Variants in SHANK2 observed in about 807,000 individuals in gnomAD.
SHANK2 encodes SH3 and multiple ankyrin repeat domains protein 2.
Under a neutral mutation model 133.7 loss-of-function variants are expected in SHANK2, and 43 were observed. The ratio of observed to expected loss-of-function variants is 0.32; its 90% CI spans 0.25 to 0.41. SHANK2 has a LOEUF of 0.41. Ranked by LOEUF, SHANK2 falls within the 10% of genes least tolerant of loss-of-function variation. The pLI is 1.00. For synonymous variants in SHANK2, 1,017 were observed against 952.8 expected (o/e 1.07, Z -1.24); for missense variants, 1,994 against 2,235.8 (o/e 0.89, Z 2.18).
intron 2 of SHANK2, among the ~76,000 whole-genome samples, chr11:71,154,610 G>C (rs1555108688): frequency 6.6e-6 from 1 of 152,230 alleles, no homozygotes; most frequent in African/African-American, 2.4e-5. Flanking sequence ...TGCAAAAGCA[G>C]ACCTTCTGAC....
intron 15 of SHANK2, among the ~76,000 whole-genome samples, chr11:70,672,231 T>C (rs1173794655): frequency 6.6e-6 from 1 of 152,000 alleles, no homozygotes; most frequent in Non-Finnish European, 1.5e-5. Context: ...GCCTGGCTAA[T>C]TTTTATATTT....
At chr11:71,130,820 G>A (rs1952286979) in intron 3 of SHANK2, among the ~76,000 whole-genome samples, 1 of 152,216 alleles carries the variant, frequency 6.6e-6, no homozygotes, top group South Asian at 2.1e-4. Flanking sequence ...AGGATCTGGA[G>A]CCAGAAACGC....
chr11:70,487,424 C>T lies in SHANK2; in HGVS notation c.2869G>A (p.Asp957Asn). 1 of 1,614,112 alleles carries T rather than the reference C, an allele frequency of 6.2e-7. No individual in the cohort carries two copies. The highest frequency in any genetic ancestry group is 8.5e-7 in the Non-Finnish European group (1 of 1,180,010). ...TCTTCAGAGTCCAAGGAGTAGCGGT[C>T]CAGCTCTCTCCTGAAGTACATCCCC... ...EKGMYFRREL[D>N]RYSLDSEDLY... Residue 957 changes from aspartate to asparagine, a missense_variant, in exon 25 of 26, where the codon GAC becomes AAC. Coordinates refer to ENST00000601538, the MANE Select transcript of SHANK2 (RefSeq NM_012309.5). The surrounding 1 kb of genome is among the most constrained non-coding windows in gnomAD (Gnocchi z 5.8).
chr11:70,761,880 G>A (rs751690), intron 14 of SHANK2, among the ~76,000 whole-genome samples: 18,216 of 152,278 alleles, frequency 0.12, 1,430 homozygotes, highest in Non-Finnish European at 0.17. Flanking sequence ...TCAGATTCCA[G>A]GGTGGAGTCT....
chr11:70,547,312 G>A (rs1271039042), intron 17 of SHANK2, among the ~76,000 whole-genome samples: 1 of 152,194 alleles, frequency 6.6e-6, no homozygotes, highest in Non-Finnish European at 1.5e-5. Context: ...CCAGGCTGGA[G>A]TGCAGTGGTA....
At chr11:70,926,841 GCAAAATCA>G (rs1386320757) in intron 10 of SHANK2, among the ~76,000 whole-genome samples, 1 of 152,190 alleles carries the variant, frequency 6.6e-6, no homozygotes, top group Non-Finnish European at 1.5e-5. Flanking sequence ...TAGTGAGTAG[GCAAAATCA>G]CAAATATGGA....
intron 11 of SHANK2, among the ~76,000 whole-genome samples, chr11:70,879,270 C>T (rs1414571243): frequency 6.6e-6 from 1 of 152,238 alleles, no homozygotes; most frequent in East Asian, 1.9e-4. Context: ...GCCTCCATAA[C>T]GTCTTTTCAC....
chr11:71,141,684 T>C (rs1329433050), intron 3 of SHANK2, among the ~76,000 whole-genome samples: 1 of 152,082 alleles, frequency 6.6e-6, no homozygotes, highest in Non-Finnish European at 1.5e-5. Flanking sequence ...AATGGGCTAA[T>C]ACAATGTCTC....
intron 8 of SHANK2, among the ~76,000 whole-genome samples, chr11:71,084,639 C>T (rs1174232527): frequency 6.6e-6 from 1 of 152,214 alleles, no homozygotes; most frequent in African/African-American, 2.4e-5. Flanking sequence ...GAGGGCAGAG[C>T]CAGGCACAGC....
In SHANK2 at chr11:70,850,560, G is replaced by A. The variant is rs148362125; in HGVS notation, c.1175-29878C>T. On this transcript the variant is annotated intron_variant, in intron 11 of 25. Coordinates refer to ENST00000601538, the MANE Select transcript of SHANK2 (RefSeq NM_012309.5). Reference sequence around the variant, plus strand: ...AGGATGGATCCTCAGCCTCCCCTCTGCCAAGAGCCACGTGTCCTCACCATG... The same window carrying A: ...AGGATGGATCCTCAGCCTCCCCTCTACCAAGAGCCACGTGTCCTCACCATG... 7.4e-3 allele frequency among the ~76,000 whole-genome samples: 1,126 copies of A among 152,246 alleles called. 10 individuals are homozygous for A. The highest frequency in any genetic ancestry group is 0.011 in the Non-Finnish European group (723 of 68,018).
chr11:71,193,483 TC>T (rs1953834409), intron 2 of SHANK2, among the ~76,000 whole-genome samples: 1 of 152,090 alleles, frequency 6.6e-6, no homozygotes, highest in Non-Finnish European at 1.5e-5. Context: ...CATGACCCCA[TC>T]CAGAGGAAGG....
intron 14 of SHANK2, among the ~76,000 whole-genome samples, chr11:70,761,195 C>A (rs1195596683): frequency 6.6e-6 from 1 of 152,068 alleles, no homozygotes; most frequent in Non-Finnish European, 1.5e-5. Flanking sequence ...GGTGATGGGG[C>A]CTTTGGGAGG....
chr11:70,746,218 T>C (rs1344440190), intron 14 of SHANK2, among the ~76,000 whole-genome samples: 6 of 152,218 alleles, frequency 3.9e-5, no homozygotes, highest in Non-Finnish European at 8.8e-5. Context: ...CCAGCCACAC[T>C]TGTAGCACAG....
chr11:70,482,476 A>G (rs368653704), intron 25 of SHANK2, among the ~76,000 whole-genome samples: 4 of 152,178 alleles, frequency 2.6e-5, no homozygotes, highest in East Asian at 3.9e-4. Flanking sequence ...CCACAAGGTG[A>G]GGAGTCAAAC....
intron 12 of SHANK2, among the ~76,000 whole-genome samples, chr11:70,816,657 C>T (rs1412021396): frequency 1.3e-5 from 2 of 152,284 alleles, no homozygotes; most frequent in Middle Eastern, 3.4e-3. Context: ...CGAGGATGAA[C>T]AAGGAGCAGA....
chr11:70,599,771 TAC>T (rs2136312312), intron 17 of SHANK2, among the ~76,000 whole-genome samples: 1 of 146,630 alleles, frequency 6.8e-6, no homozygotes, highest in South Asian at 2.2e-4. Context: ...CAGCCCGGGT[TAC>T]AGTGTGAGAT....
intron 11 of SHANK2, among the ~76,000 whole-genome samples, chr11:70,888,489 C>T (rs782200837): frequency 1.8e-4 from 28 of 152,216 alleles, no homozygotes; most frequent in Middle Eastern, 3.4e-3. Context: ...CACTCAAGAC[C>T]GGGTACCAGG....
At chr11:70,873,019 G>C (rs1949495405) in intron 11 of SHANK2, 2 of 471,284 alleles carry the variant, frequency 4.2e-6, no homozygotes, top group South Asian at 3.1e-5. Context: ...TGTGAGAAAG[G>C]AAGAGCGGAG....
At chr11:70,795,134 G>A (rs1947879664) in intron 14 of SHANK2, among the ~76,000 whole-genome samples, 1 of 152,120 alleles carries the variant, frequency 6.6e-6, no homozygotes, top group African/African-American at 2.4e-5. Context: ...CCAGGTCACA[G>A]AGATGCCTTC....
Sources: gnomAD v4.1 joint callset for allele counts (sites outside exome capture counted in the v4.1 genomes callset) on GRCh38, gnomAD v4.1.1 for gene constraint, Gnocchi (gnomAD v3.1) non-coding constraint, MANE v1.5 for transcripts, NCBI Gene and HGNC (gene_info 2026-07-23, HGNC 2026-07-21) for gene names.